The following VPS4A variants were observed in gnomAD, a reference collection of about 807,000 sequenced individuals.
VPS4A encodes the protein vacuolar protein sorting-associated protein 4A.
A neutral mutation model predicts 52.3 loss-of-function variants in VPS4A; 20 were observed. That is an observed-to-expected ratio of 0.38 (90% CI 0.27 to 0.56). The LOEUF (loss-of-function observed/expected upper bound fraction) is 0.56. Ranked by LOEUF, VPS4A falls within the 20% of genes least tolerant of loss-of-function variation. VPS4A has a pLI of 0.72. For missense variants in VPS4A, 419 were observed against 575.9 expected (o/e 0.73, Z 2.79); for synonymous variants, 293 against 227.7 (o/e 1.29, Z -2.58).
In VPS4A at chr16:69,320,984, G is replaced by A; in HGVS notation, c.852-67G>A. 6.8e-7 allele frequency: 1 copy of A among 1,470,766 alleles called. No homozygotes were observed. The highest frequency in any genetic ancestry group is 9.3e-7 in the Non-Finnish European group (1 of 1,075,800). The allele number at this position is 1,470,766 out of a possible 1,614,324, so 91.1% of individuals were successfully genotyped here. A position where few individuals can be genotyped will look rare whatever the true frequency, so the allele number is the denominator to read the frequency against. On this transcript the variant is annotated intron_variant, in intron 8 of 10. Transcript: ENST00000254950. This position sits in a 1 kb window ranked among gnomAD's most constrained non-coding sequence, Gnocchi z 4.2. ...GCGTCCGTTTCACTCAAATCTTCGT[G>A]CCTCCCCTTCCGTGAATACCATTCC...
intron 2 of VPS4A, 44 bp from the exon 3 acceptor site, chr16:69,316,181 G>A (rs1965433876): frequency 3.1e-6 from 5 of 1,612,540 alleles, no homozygotes; most frequent in East Asian, 2.2e-5. Flanking sequence ...GAGAGGGGGT[G>A]GCGCACGAGC....
intron 9 of VPS4A, chr16:69,322,210 CT>C (rs1965522031): frequency 5.6e-6 from 1 of 177,488 alleles, no homozygotes; most frequent in African/African-American, 2.4e-5. Flanking sequence ...TTACCTCCCC[CT>C]GGGTCCCTCC....
chr16:69,318,752 A>G (rs1161295401), intron 4 of VPS4A, 41 bp downstream of exon 4: 6 of 1,612,784 alleles, frequency 3.7e-6, no homozygotes, highest in African/African-American at 2.7e-5. Flanking sequence ...AGGGGATGAG[A>G]GTGGGTCCGC....
rs375640414 is a variant in VPS4A at position 69,321,176 on chromosome 16, C to T, written c.977C>T (p.Thr326Met). The T allele has an allele frequency of 2.5e-6, 4 of 1,577,578 alleles. No individual in the cohort carries two copies. Among genetic ancestry groups the T allele is most frequent in the Non-Finnish European group, 2.6e-6 (3 of 1,162,358 alleles). ...DANIHELARK[T>M]EGYSGADISI... is the part of the protein sequence containing the mutation. The stretch of plus-strand genomic sequence containing the variant: ...AACATCCACGAGCTGGCCCGGAAGA[C>T]GGAAGGCTACTCGGGCGCGGACATC... Residue 326 changes from threonine to methionine, a missense_variant, in exon 9 of 11, where the codon ACG becomes ATG. By Grantham distance (81) the Thr-to-Met change is moderately conservative. Coordinates refer to ENST00000254950, the MANE Select transcript of VPS4A (RefSeq NM_013245.3). This position sits in a 1 kb window ranked among gnomAD's most constrained non-coding sequence, Gnocchi z 4.5.
At position 69,318,023 on chromosome 16, in the gene VPS4A, T is replaced by TC. The variant is rs1390859458; in HGVS notation, c.282-622dup. Among the ~76,000 whole-genome samples the TC allele has an allele frequency of 1.5e-4, 14 of 94,934 alleles. No individual in the cohort carries two copies. In the South Asian group the frequency reaches 4.1e-3, roughly 28 times the overall value. 62.3% of individuals were successfully genotyped at this position (94,934 alleles called of 152,430 possible). ...TTTGACTGGCTTTTTTTTTTTTTTT[T>TC]CCCCCAGACAGGGCTTCACTGTCTC... On this transcript the variant is annotated intron_variant, in intron 3 of 10. Transcript: ENST00000254950.
intron 6 of VPS4A, among the ~76,000 whole-genome samples, chr16:69,319,789 C>G: frequency 6.6e-6 from 1 of 152,172 alleles, no homozygotes; most frequent in East Asian, 1.9e-4. Flanking sequence ...TTTTTGGGGT[C>G]TGGGTTGCGG....
At chr16:69,323,600 C>T in intron 10 of VPS4A, 1 of 455,794 alleles carries the variant, frequency 2.2e-6, no homozygotes, top group South Asian at 1.5e-5. Context: ...CATAGCCTGG[C>T]CCGTGCCATC....
Position 69,320,840 on chromosome 16 carries a change from G to A in VPS4A, c.851+71G>A. The A allele has an allele frequency of 6.8e-7, 1 of 1,477,002 alleles. No individual in the cohort carries two copies. The highest frequency in any genetic ancestry group is 9.3e-7 in the Non-Finnish European group (1 of 1,080,960). 91.5% of individuals were successfully genotyped at this position (1,477,002 alleles called of 1,614,324 possible). On this transcript the variant is annotated intron_variant, in intron 8 of 10. Transcript: ENST00000254950. This position sits in a 1 kb window ranked among gnomAD's most constrained non-coding sequence, Gnocchi z 4.2. ...CATGGTCACGGTCCGCCTGCTGCTG[G>A]CAGCCCGGGTGCAGCCTGGCCCCTT... is the stretch of plus-strand genomic sequence containing the variant.
At chr16:69,324,076 A>G (rs1965551821) in intron 10 of VPS4A, 132 bp from the exon 11 acceptor site, 5 of 802,180 alleles carry the variant, frequency 6.2e-6, no homozygotes, top group Non-Finnish European at 7.9e-6. Context: ...CCATAGGCAG[A>G]TTCAAGCAGG....
Position 69,320,056 on chromosome 16 carries a change from G to T in VPS4A, c.621-85G>T. ...GACCGTGGCCTGCGCCTCCCTGTGGGAAGGGTGAGAAGAGGGAAGTGCCGG... is the reference window on the plus strand; with the variant it reads ...GACCGTGGCCTGCGCCTCCCTGTGGTAAGGGTGAGAAGAGGGAAGTGCCGG... On this transcript the variant is annotated intron_variant, in intron 6 of 10. Transcript: ENST00000254950. The surrounding 1 kb of genome is among the most constrained non-coding windows in gnomAD (Gnocchi z 4.2). 6.7e-7 allele frequency: 1 copy of T among 1,495,288 alleles called. No individual in the cohort carries two copies. The highest frequency in any genetic ancestry group is 9.0e-7 in the Non-Finnish European group (1 of 1,111,212). 92.6% of individuals were successfully genotyped at this position (1,495,288 alleles called of 1,614,324 possible). A position where few individuals can be genotyped will look rare whatever the true frequency, so the allele number is the denominator to read the frequency against.
chr16:69,319,589 C>G (rs374981498), intron 6 of VPS4A, 46 bp downstream of exon 6: 216 of 1,582,092 alleles, frequency 1.4e-4, no homozygotes, highest in Admixed American at 3.7e-4. Flanking sequence ...CCCGGCACTG[C>G]TAGTGACCCA....
intron 3 of VPS4A, among the ~76,000 whole-genome samples, chr16:69,317,228 G>A (rs1007799669): frequency 2.1e-5 from 3 of 144,572 alleles, no homozygotes; most frequent in Non-Finnish European, 4.5e-5. Context: ...TCCATCCAGG[G>A]AGGAAGTAGC....
chr16:69,320,650 T>C lies in VPS4A; in HGVS notation c.770-38T>C, dbSNP rs768098301. On this transcript the variant is annotated intron_variant, in intron 7 of 10. Coordinates refer to ENST00000254950, the MANE Select transcript of VPS4A (RefSeq NM_013245.3). The surrounding 1 kb of genome is among the most constrained non-coding windows in gnomAD (Gnocchi z 4.2). ...CCAGGTTTCAACTGACCCGTGCAGGTGTCCAGAGTCTGAGTCTTTGTCTCC... is the reference window on the plus strand; with the variant it reads ...CCAGGTTTCAACTGACCCGTGCAGGCGTCCAGAGTCTGAGTCTTTGTCTCC... The C allele has an allele frequency of 3.2e-6, 5 of 1,551,142 alleles. No homozygotes were observed. Among genetic ancestry groups the C allele is most frequent in the Non-Finnish European group, 4.4e-6 (5 of 1,141,418 alleles).
intron 3 of VPS4A, among the ~76,000 whole-genome samples, chr16:69,317,359 C>G (rs1965450021): frequency 1.3e-5 from 2 of 152,114 alleles, no homozygotes; most frequent in Admixed American, 1.3e-4. Flanking sequence ...CCCTGAGTCT[C>G]TACAAAAAGC....
intron 9 of VPS4A, 175 bp from the exon 10 acceptor site, chr16:69,322,385 C>T: frequency 1.7e-6 from 1 of 573,208 alleles, no homozygotes; most frequent in Non-Finnish European, 3.0e-6. Context: ...TTGCCAGAGT[C>T]CCATGCAAAT....
At chr16:69,324,104 A>C in intron 10 of VPS4A, 104 bp from the exon 11 acceptor site, 1 of 1,209,324 alleles carries the variant, frequency 8.3e-7, no homozygotes, top group Non-Finnish European at 1.2e-6. Context: ...GGTGGCCTTG[A>C]AGGCAAACCT....
rs1461039462 is a variant in VPS4A at position 69,326,603 on chromosome 16, T to G, written c.*2294T>G. Reference sequence around the variant, plus strand: ...AGCGTGAAGACACCTGACTTTCCAGTTGTCTCTCTCCATGACCAGCAACAG... The same window carrying G: ...AGCGTGAAGACACCTGACTTTCCAGGTGTCTCTCTCCATGACCAGCAACAG... On this transcript the variant is annotated 3_prime_UTR_variant, in exon 11 of 11. Transcript: ENST00000254950. The G allele has an allele frequency of 6.6e-6, 1 of 152,238 alleles. No individual in the cohort carries two copies. The allele number at this position is 152,238 out of a possible 1,614,324, so 9.4% of individuals were successfully genotyped here. A position where few individuals can be genotyped will look rare whatever the true frequency, so the allele number is the denominator to read the frequency against.
At chr16:69,317,860 G>A (rs1217057892) in intron 3 of VPS4A, among the ~76,000 whole-genome samples, 1 of 149,382 alleles carries the variant, frequency 6.7e-6, no homozygotes, top group East Asian at 2.0e-4. Flanking sequence ...GCTGACGCCA[G>A]AGAATTCAGA....
At position 69,321,732 on chromosome 16, in the gene VPS4A, C is replaced by T. The variant is rs781240336; in HGVS notation, c.1071+462C>T. 3.2e-5 allele frequency: 6 copies of T among 185,570 alleles called. 1 individual carries two copies. The South Asian group carries it at 5.6e-4, about 17-fold the overall frequency. The allele number at this position is 185,570 out of a possible 1,614,324, so 11.5% of individuals were successfully genotyped here. A position where few individuals can be genotyped will look rare whatever the true frequency, so the allele number is the denominator to read the frequency against. On this transcript the variant is annotated intron_variant, in intron 9 of 10. Transcript: ENST00000254950. The surrounding 1 kb of genome is among the most constrained non-coding windows in gnomAD (Gnocchi z 4.5). Reference sequence around the variant, plus strand: ...CAACAGACAAAAATCCTAGACCTTCCGTTGTTGGTGGGGAGACAGTCAACA... The same window carrying T: ...CAACAGACAAAAATCCTAGACCTTCTGTTGTTGGTGGGGAGACAGTCAACA...
Sources: gnomAD v4.1 joint callset for allele counts (sites outside exome capture counted in the v4.1 genomes callset) on GRCh38, gnomAD v4.1.1 for gene constraint, Gnocchi (gnomAD v3.1) non-coding constraint, MANE v1.5 for transcripts, NCBI Gene and HGNC (gene_info 2026-07-23, HGNC 2026-07-21) for gene names.